Variants in ABHD17C observed in about 807,000 individuals in gnomAD.
ABHD17C encodes alpha/beta hydrolase domain-containing protein 17C.
In ABHD17C, 11 loss-of-function variants were observed where a neutral mutation model predicts 27.9. The observed-to-expected ratio is 0.39, with a 90% CI of 0.25 to 0.65. The LOEUF (loss-of-function observed/expected upper bound fraction) is 0.65, where lower values mean the gene tolerates loss of function less well. Among genes scored for constraint, ABHD17C ranks in the 30% least tolerant of loss-of-function variants. The pLI is 0.45. For synonymous variants in ABHD17C, 233 were observed against 209.1 expected (o/e 1.11, Z -0.98); for missense variants, 280 against 470.2 (o/e 0.60, Z 3.74).
chr15:80,733,934 G>A (rs1416414830), intron 1 of ABHD17C, among the ~76,000 whole-genome samples: 1 of 150,798 alleles, frequency 6.6e-6, no homozygotes, highest in Non-Finnish European at 1.5e-5. Flanking sequence ...TGGGTTTCTT[G>A]GAAATGGAAT....
At chr15:80,754,080 A>G in intron 2 of ABHD17C, 71 bp from the exon 3 acceptor site, 1 of 1,180,496 alleles carries the variant, frequency 8.5e-7, no homozygotes, top group South Asian at 1.3e-5. Context: ...TTATCATTAA[A>G]TGTGATGTGT....
Position 80,695,359 on chromosome 15 carries a change from C to T in ABHD17C, c.-71C>T. The T allele has an allele frequency of 9.6e-7, 1 of 1,042,374 alleles. No individual in the cohort carries two copies. The highest frequency in any genetic ancestry group is 1.2e-6 in the Non-Finnish European group (1 of 841,668). The allele number at this position is 1,042,374 out of a possible 1,614,324, so 64.6% of individuals were successfully genotyped here. A position where few individuals can be genotyped will look rare whatever the true frequency, so the allele number is the denominator to read the frequency against. ...GCCTGCCAGCTCCCTCGCCGCGCGT[C>T]CGTCCTCCGTCCTCCCGGGCCAGCC... On this transcript the variant is annotated 5_prime_UTR_variant, in exon 1 of 3. Coordinates refer to ENST00000258884, the MANE Select transcript of ABHD17C (RefSeq NM_021214.2). This position sits in a 1 kb window ranked among gnomAD's most constrained non-coding sequence, Gnocchi z 4.3.
intron 1 of ABHD17C, among the ~76,000 whole-genome samples, chr15:80,725,809 GTTTTTTGT>G (rs1240019085): frequency 1.9e-5 from 2 of 102,818 alleles, no homozygotes; most frequent in Non-Finnish European, 4.5e-5. Flanking sequence ...TGCACCAGCA[GTTTTTTGT>G]TTGTTTGTTT....
In ABHD17C at chr15:80,706,205, C is replaced by T. The variant is rs577745464; in HGVS notation, c.590+10186C>T. On this transcript the variant is annotated intron_variant, in intron 1 of 2. Transcript: ENST00000258884. ...TGCCTTGTACCTCAGATTCATGTGG[C>T]TTTTTCACAGCTCTGTGTAATGGAG... Among the ~76,000 whole-genome samples the T allele has an allele frequency of 3.2e-4, 49 of 152,308 alleles. No individual in the cohort carries two copies. The South Asian group carries it at 9.9e-3, about 31-fold the overall frequency.
intron 1 of ABHD17C, among the ~76,000 whole-genome samples, chr15:80,745,764 G>C (rs1435982676): frequency 2.6e-5 from 4 of 152,126 alleles, no homozygotes; most frequent in Non-Finnish European, 5.9e-5. Flanking sequence ...AAAACCGCCT[G>C]TACCCCCAAA....
At chr15:80,732,976 G>A (rs1483910283) in intron 1 of ABHD17C, among the ~76,000 whole-genome samples, 1 of 152,164 alleles carries the variant, frequency 6.6e-6, no homozygotes, top group Non-Finnish European at 1.5e-5. Context: ...TACAAGTGCA[G>A]GAGAGAGGAT....
chr15:80,721,185 G>C (rs1437053453), intron 1 of ABHD17C, among the ~76,000 whole-genome samples: 1 of 146,922 alleles, frequency 6.8e-6, no homozygotes, highest in Admixed American at 6.8e-5. Flanking sequence ...CTGTGAGTTA[G>C]ATTTTGTGTT....
chr15:80,703,691 G>C (rs1474595419), intron 1 of ABHD17C, among the ~76,000 whole-genome samples: 1 of 152,094 alleles, frequency 6.6e-6, no homozygotes, highest in Non-Finnish European at 1.5e-5. Flanking sequence ...CACTAGCCTA[G>C]AAATGTCCAA....
chr15:80,696,113 G>A, intron 1 of ABHD17C, 94 bp downstream of exon 1: 2 of 1,317,166 alleles, frequency 1.5e-6, no homozygotes, highest in Non-Finnish European at 2.1e-6. Context: ...CCAGGAGAGG[G>A]GCCCCTCCTC....
chr15:80,753,533 G>C (rs532088116), intron 2 of ABHD17C, among the ~76,000 whole-genome samples: 57 of 152,132 alleles, frequency 3.7e-4, no homozygotes, highest in African/African-American at 7.0e-4. Context: ...TTTTTGTTTT[G>C]TTTTCTTTTC....
chr15:80,739,816 T>C (rs2141517074), intron 1 of ABHD17C, among the ~76,000 whole-genome samples: 1 of 152,012 alleles, frequency 6.6e-6, no homozygotes, highest in Admixed American at 6.6e-5. Context: ...CCCCTGTTGT[T>C]CTGTGTCATT....
At chr15:80,747,603 C>A (rs1019349553) in intron 1 of ABHD17C, among the ~76,000 whole-genome samples, 1 of 152,108 alleles carries the variant, frequency 6.6e-6, no homozygotes, top group Admixed American at 6.5e-5. Context: ...CCTCAAACCT[C>A]CCCACCAAAA....
intron 1 of ABHD17C, chr15:80,703,170 G>A (rs1309801395): frequency 6.6e-6 from 1 of 152,244 alleles, no homozygotes. Flanking sequence ...CTCCAGAAAA[G>A]CCAAAGGGCA....
intron 1 of ABHD17C, among the ~76,000 whole-genome samples, chr15:80,720,344 A>G (rs1015005531): frequency 6.6e-5 from 10 of 150,624 alleles, no homozygotes; most frequent in African/African-American, 2.4e-4. Context: ...TTCTCTTTCT[A>G]GTTTTGCTAG....
At chr15:80,742,659 C>T (rs903040368) in intron 1 of ABHD17C, among the ~76,000 whole-genome samples, 5 of 152,116 alleles carry the variant, frequency 3.3e-5, no homozygotes, top group Non-Finnish European at 7.3e-5. Flanking sequence ...ATCAGGCCAG[C>T]ATAGAGCTGC....
intron 1 of ABHD17C, among the ~76,000 whole-genome samples, chr15:80,701,090 T>C (rs534021876): frequency 6.6e-6 from 1 of 152,210 alleles, no homozygotes; most frequent in African/African-American, 2.4e-5. Context: ...TTTATAACTT[T>C]TGTGTCGGTG....
chr15:80,695,422 C>G lies in ABHD17C; in HGVS notation c.-8C>G, dbSNP rs1420707999. 7.6e-7 allele frequency: 1 copy of G among 1,307,246 alleles called. No individual in the cohort carries two copies. Among genetic ancestry groups the G allele is most frequent in the South Asian group, 1.5e-5 (1 of 67,404 alleles). The allele number at this position is 1,307,246 out of a possible 1,614,324, so 81.0% of individuals were successfully genotyped here. ...AGCCGGGCCGGCGGCGGGCACCAGG[C>G]CGTCCCGATGCCCGAGCCAGGCCCC... On this transcript the variant is annotated 5_prime_UTR_variant, in exon 1 of 3. Coordinates refer to ENST00000258884, the MANE Select transcript of ABHD17C (RefSeq NM_021214.2). The surrounding 1 kb of genome is among the most constrained non-coding windows in gnomAD (Gnocchi z 4.3).
intron 1 of ABHD17C, among the ~76,000 whole-genome samples, chr15:80,741,428 C>G (rs937871920): frequency 1.3e-5 from 2 of 151,268 alleles, no homozygotes; most frequent in Admixed American, 1.4e-4. Context: ...CAGCAGTTGT[C>G]TTTTTTCTTA....
intron 2 of ABHD17C, among the ~76,000 whole-genome samples, chr15:80,750,559 T>A (rs992888665): frequency 2.0e-5 from 3 of 152,082 alleles, no homozygotes; most frequent in African/African-American, 7.2e-5. Context: ...GGAAAAAAAA[T>A]AAAAGATCAT....
Sources: allele counts gnomAD v4.1 joint callset (sites outside exome capture counted in the v4.1 genomes callset), GRCh38; gene constraint gnomAD v4.1.1; non-coding constraint Gnocchi (gnomAD v3.1); transcripts MANE v1.5; gene names NCBI Gene and HGNC (gene_info 2026-07-23, HGNC 2026-07-21).